The following ATG3 variants were observed in gnomAD, a reference collection of about 807,000 sequenced individuals.
ATG3 encodes the protein ubiquitin-like-conjugating enzyme ATG3.
A neutral mutation model predicts 50.7 loss-of-function variants in ATG3; 25 were observed. The ratio of observed to expected loss-of-function variants is 0.49; its 90% CI spans 0.36 to 0.69. The LOEUF is 0.69. Among genes scored for constraint, ATG3 ranks in the 30% least tolerant of loss-of-function variants. ATG3 has a pLI of 0.00. For missense variants in ATG3, 281 were observed against 376.0 expected, an observed-to-expected ratio of 0.75 and a Z score of 2.09; for synonymous variants, 119 against 125.5, an observed-to-expected ratio of 0.95 and a Z score of 0.34.
At chr3:112,538,208 ATCAAGT>A (rs760790207) in intron 7 of ATG3, 28 bp from the exon 8 acceptor site, 61 of 1,534,076 alleles carry the variant, frequency 4.0e-5, no homozygotes, top group Non-Finnish European at 4.6e-5. Flanking sequence ...CAAAAGATTA[ATCAAGT>A]TCAAGTTCAA....
rs1054575112 is a variant in ATG3, at chr3:112,538,393, A to G, written c.476-213T>C. 4.6e-4 allele frequency: 232 copies of G among 509,582 alleles called. 1 individual carries two copies. The highest frequency in any genetic ancestry group is 1.1e-4 in the Non-Finnish European group (30 of 283,998). The allele number at this position is 509,582 out of a possible 1,614,324, so 31.6% of individuals were successfully genotyped here. A position where few individuals can be genotyped will look rare whatever the true frequency, so the allele number is the denominator to read the frequency against. On this transcript the variant is annotated intron_variant, in intron 7 of 11. Coordinates refer to ENST00000283290, the MANE Select transcript of ATG3 (RefSeq NM_022488.5). ...GCCAGCATGTTTAAGGCTTGACATA[A>G]TAATACTGTAGAGTCCTCAGTGGCT... is the stretch of plus-strand genomic sequence containing the variant.
chr3:112,548,219 G>A (rs988410556), intron 5 of ATG3, among the ~76,000 whole-genome samples: 3 of 152,136 alleles, frequency 2.0e-5, no homozygotes, highest in African/African-American at 7.2e-5. Flanking sequence ...GGGCGTGGGG[G>A]TGCACACCTG....
chr3:112,544,263 T>C (rs1933313362), intron 5 of ATG3, among the ~76,000 whole-genome samples, 157 bp from the exon 6 acceptor site: 1 of 152,192 alleles, frequency 6.6e-6, no homozygotes, highest in Non-Finnish European at 1.5e-5. Flanking sequence ...CTAATGAGAA[T>C]AGTCACAATG....
At chr3:112,552,571 C>CA (rs1225633163) in intron 3 of ATG3, among the ~76,000 whole-genome samples, 1 of 150,008 alleles carries the variant, frequency 6.7e-6, no homozygotes, top group African/African-American at 2.5e-5. Flanking sequence ...CATAAAACTG[C>CA]AAAATCTCTG....
At chr3:112,541,671 CAT>C in intron 7 of ATG3, 130 bp downstream of exon 7, 1 of 700,388 alleles carries the variant, frequency 1.4e-6, no homozygotes, top group South Asian at 1.9e-5. Context: ...ATGAACTAAA[CAT>C]ATATAAAACA....
chr3:112,544,222 C>A (rs2107376177), intron 5 of ATG3, 116 bp from the exon 6 acceptor site: 1 of 770,656 alleles, frequency 1.3e-6, no homozygotes, highest in Non-Finnish European at 2.1e-6. Flanking sequence ...AATAAGGAGG[C>A]AAATAATAGT....
In ATG3 at chr3:112,544,713, A is replaced by C. The variant is rs570682189; in HGVS notation, c.344-607T>G. Among the ~76,000 whole-genome samples the C allele has an allele frequency of 1.8e-4, 27 of 150,722 alleles. No homozygotes were observed. The South Asian group carries it at 4.6e-3, about 26-fold the overall frequency. ...AAAAAACTACAGGACTCGTATGTAC[A>C]TTTTAATTAAACTTGCATCAAAATT... On this transcript the variant is annotated intron_variant, in intron 5 of 11. Coordinates refer to ENST00000283290, the MANE Select transcript of ATG3 (RefSeq NM_022488.5).
rs113051221 is a variant in ATG3 at position 112,561,901 on chromosome 3, G to C, written c.-373C>G. The C allele has an allele frequency of 0.01, 2,538 of 246,706 alleles. 69 individuals are homozygous for C. Among genetic ancestry groups the C allele is most frequent in the African/African-American group, 0.055 (2,358 of 42,786 alleles). 15.3% of individuals were successfully genotyped at this position (246,706 alleles called of 1,614,324 possible). On this transcript the variant is annotated 5_prime_UTR_variant, in exon 1 of 12. Transcript: ENST00000283290. ...CTTTGCTTCACTCGCGCCCCTTCCG[G>C]CTTCCCTTCCTTCTCACTCTCTTGC...
At chr3:112,533,899 C>A in intron 11 of ATG3, 1 of 1,032,200 alleles carries the variant, frequency 9.7e-7, no homozygotes, top group Non-Finnish European at 1.2e-6. Flanking sequence ...GAATTATTTG[C>A]TTCAGAGACA....
chr3:112,552,915 G>C (rs1345219627), intron 3 of ATG3, among the ~76,000 whole-genome samples: 1 of 151,974 alleles, frequency 6.6e-6, no homozygotes, highest in Non-Finnish European at 1.5e-5. Flanking sequence ...CAAAGTGCTG[G>C]GATTACAGGT....
At chr3:112,538,319 G>A in intron 7 of ATG3, 139 bp from the exon 8 acceptor site, 2 of 634,444 alleles carry the variant, frequency 3.2e-6, no homozygotes, top group Non-Finnish European at 2.7e-6. Flanking sequence ...TGAATAGATA[G>A]ATATAAGTGA....
At chr3:112,561,196 C>A (rs1308557868) in intron 1 of ATG3, among the ~76,000 whole-genome samples, 1 of 152,196 alleles carries the variant, frequency 6.6e-6, no homozygotes, top group Non-Finnish European at 1.5e-5. Context: ...TCCAACCCGA[C>A]GTACCCGACC....
At chr3:112,543,670 T>G (rs1933292429) in intron 6 of ATG3, among the ~76,000 whole-genome samples, 1 of 152,162 alleles carries the variant, frequency 6.6e-6, no homozygotes, top group Admixed American at 6.5e-5. Flanking sequence ...AGCAAGTAGT[T>G]AATTCCACCC....
In ATG3 at chr3:112,537,869, T is replaced by C. The variant is rs1486403283; in HGVS notation, c.532A>G (p.Ile178Val). The C allele has an allele frequency of 6.2e-7, 1 of 1,610,690 alleles. No individual in the cohort carries two copies. The change falls in exon 9 of 12, where the codon ATA becomes GTA. Residue 178 changes from isoleucine to valine, a missense_variant. Around this residue, in one of 3 missense-constraint regions of ATG3, gnomAD observed 242 missense variants for 305.0 expected, o/e 0.79. Coordinates refer to ENST00000283290, the MANE Select transcript of ATG3 (RefSeq NM_022488.5). ...GTTTTGGCTTTACAAGCTTCTACTA[T>C]TTTCCTTGTATCTAGGGTAGCCTGA... is the stretch of plus-strand genomic sequence containing the variant. ...TDEATLDTRK[I>V]VEACKAKTDA...
chr3:112,536,391 T>TTA (rs1559842103), intron 10 of ATG3, 84 bp downstream of exon 10: 1 of 1,528,876 alleles, frequency 6.5e-7, no homozygotes, highest in Middle Eastern at 2.0e-4. Flanking sequence ...TCTGTTAGGG[T>TTA]TCTATGTTTA....
chr3:112,548,457 TA>T, intron 5 of ATG3, 75 bp downstream of exon 5: 1 of 1,272,212 alleles, frequency 7.9e-7, no homozygotes, highest in Non-Finnish European at 1.1e-6. Context: ...TCCTCTTTTT[TA>T]AATCAAGGCT....
intron 4 of ATG3, among the ~76,000 whole-genome samples, chr3:112,549,977 T>G (rs569738464): frequency 2.6e-5 from 4 of 152,254 alleles, no homozygotes; most frequent in Admixed American, 1.3e-4. Context: ...GAAAGATTAT[T>G]ATGAAGCCAA....
At chr3:112,541,069 A>C (rs955375085) in intron 7 of ATG3, among the ~76,000 whole-genome samples, 1 of 152,122 alleles carries the variant, frequency 6.6e-6, no homozygotes, top group African/African-American at 2.4e-5. Flanking sequence ...GAATCTTGGG[A>C]AACTGATGGG....
chr3:112,542,110 C>G (rs1427327748), intron 6 of ATG3, among the ~76,000 whole-genome samples: 1 of 143,490 alleles, frequency 7.0e-6, no homozygotes, highest in Non-Finnish European at 1.5e-5. Context: ...ATTATGGGAG[C>G]AGTAAGAGTC....
Sources: allele counts gnomAD v4.1 joint callset (sites outside exome capture counted in the v4.1 genomes callset), GRCh38; gene constraint gnomAD v4.1.1; regional missense constraint gnomAD v4.1.1; transcripts MANE v1.5; gene names NCBI Gene and HGNC (gene_info 2026-07-23, HGNC 2026-07-21).